Variants in MAF observed in about 807,000 individuals in gnomAD.
The protein encoded by MAF is transcription factor Maf.
A neutral mutation model predicts 22.0 loss-of-function variants in MAF; 10 were observed. The ratio of observed to expected loss-of-function variants is 0.45; its 90% CI spans 0.28 to 0.77. The LOEUF is 0.77. MAF is among the 30% of genes least tolerant of loss of function. MAF has a pLI of 0.12. For synonymous variants in MAF, 337 were observed against 255.8 expected, an observed-to-expected ratio of 1.32 and a Z score of -3.03; for missense variants, 544 against 548.4, an observed-to-expected ratio of 0.99 and a Z score of 0.08.
At chr16:79,418,161 T>G in the MAF span, among the ~76,000 whole-genome samples, 2 of 152,230 alleles carry the variant, frequency 1.3e-5, no homozygotes, top group African/African-American at 4.8e-5. Flanking sequence ...CCTCTCATTG[T>G]GTCTCGAGAA....
downstream of MAF, among the ~76,000 whole-genome samples, chr16:79,583,630 C>A (rs545579884): frequency 6.6e-6 from 1 of 152,236 alleles, no homozygotes; most frequent in Non-Finnish European, 1.5e-5. Flanking sequence ...TCTTTCAGCG[C>A]ATAACATGCA....
chr16:79,403,297 T>C, the MAF span, among the ~76,000 whole-genome samples: 1 of 152,160 alleles, frequency 6.6e-6, no homozygotes, highest in African/African-American at 2.4e-5. Context: ...CCTGGAGCGG[T>C]ATAGGGGCTC....
the MAF span, among the ~76,000 whole-genome samples, chr16:79,426,218 A>AAAG: frequency 6.6e-6 from 1 of 151,806 alleles, no homozygotes; most frequent in African/African-American, 2.4e-5. Context: ...AAGAAAAAAA[A>AAAG]AAAATTAACA....
chr16:79,359,681 T>C, the MAF span, among the ~76,000 whole-genome samples: 1 of 152,112 alleles, frequency 6.6e-6, no homozygotes, highest in Admixed American at 6.5e-5. Context: ...TTGACTTGAG[T>C]TCTTTTACTT....
the MAF span, among the ~76,000 whole-genome samples, chr16:79,524,137 C>T: frequency 2.0e-5 from 3 of 152,212 alleles, no homozygotes; most frequent in Admixed American, 2.0e-4. Context: ...ATCAGCATCC[C>T]TGGTTGCTTT....
the MAF span, among the ~76,000 whole-genome samples, chr16:79,225,135 A>C: frequency 6.6e-6 from 1 of 152,182 alleles, no homozygotes; most frequent in Non-Finnish European, 1.5e-5. Context: ...ACAATAACTA[A>C]AAAGCATGGT....
the MAF span, among the ~76,000 whole-genome samples, chr16:79,287,982 G>A: frequency 1.3e-5 from 2 of 152,168 alleles, no homozygotes; most frequent in Non-Finnish European, 2.9e-5. Context: ...TGCCATACCA[G>A]TGAGCTCCAG....
chr16:79,500,135 C>T, the MAF span, among the ~76,000 whole-genome samples: 83 of 152,308 alleles, frequency 5.4e-4, 2 homozygotes, highest in East Asian at 5.0e-3. Flanking sequence ...CAGTTTCAGA[C>T]GGTCTGGCCT....
chr16:79,531,742 C>T, the MAF span, among the ~76,000 whole-genome samples: 5 of 152,118 alleles, frequency 3.3e-5, no homozygotes, highest in Non-Finnish European at 5.9e-5. Flanking sequence ...GCTGTAAACA[C>T]AGACGAAGCT....
At chr16:79,499,061 G>C in the MAF span, among the ~76,000 whole-genome samples, 1 of 152,174 alleles carries the variant, frequency 6.6e-6, no homozygotes, top group Non-Finnish European at 1.5e-5. Context: ...GACATTTCAG[G>C]AGGATTATCA....
the MAF span, among the ~76,000 whole-genome samples, chr16:79,271,585 A>T: frequency 6.6e-6 from 1 of 151,918 alleles, no homozygotes; most frequent in Non-Finnish European, 1.5e-5. Flanking sequence ...AATATCCACA[A>T]CCCCTCAATT....
At chr16:79,515,720 T>C in the MAF span, among the ~76,000 whole-genome samples, 9 of 152,140 alleles carry the variant, frequency 5.9e-5, no homozygotes, top group Non-Finnish European at 8.8e-5. Context: ...CACTTGGGCA[T>C]GAACGTGAGA....
the MAF span, among the ~76,000 whole-genome samples, chr16:79,556,872 G>C: frequency 6.6e-6 from 1 of 152,022 alleles, no homozygotes; most frequent in Admixed American, 6.5e-5. Flanking sequence ...TATATGAAAA[G>C]CTTATAATAG....
At chr16:79,245,432 T>C in the MAF span, among the ~76,000 whole-genome samples, 1 of 152,020 alleles carries the variant, frequency 6.6e-6, no homozygotes, top group Non-Finnish European at 1.5e-5. Flanking sequence ...AGAAGACATT[T>C]ATGCAGCCAA....
chr16:79,357,715 G>A, the MAF span, among the ~76,000 whole-genome samples: 36 of 152,214 alleles, frequency 2.4e-4, no homozygotes, highest in African/African-American at 7.0e-4. Flanking sequence ...ACTAGATGCT[G>A]CCCAGGTGAC....
At chr16:79,307,174 G>A in the MAF span, among the ~76,000 whole-genome samples, 1 of 152,200 alleles carries the variant, frequency 6.6e-6, no homozygotes. Flanking sequence ...TTAACGGGAG[G>A]TTTGAGATGA....
the MAF span, among the ~76,000 whole-genome samples, chr16:79,235,880 G>A: frequency 2.3e-4 from 35 of 152,174 alleles, no homozygotes; most frequent in African/African-American, 8.2e-4. Context: ...AGAAGCAAGA[G>A]GAAGAGCAAG....
chr16:79,416,879 T>A, the MAF span, among the ~76,000 whole-genome samples: 1 of 152,194 alleles, frequency 6.6e-6, no homozygotes, highest in Non-Finnish European at 1.5e-5. Context: ...TTTAGGAAGA[T>A]GGTAGACAGC....
the MAF span, among the ~76,000 whole-genome samples, chr16:79,516,448 T>G: frequency 6.6e-6 from 1 of 152,136 alleles, no homozygotes; most frequent in Non-Finnish European, 1.5e-5. Context: ...AAGGCAAAGG[T>G]GAGTATTATT....
Sources: gnomAD v4.1 joint callset for allele counts (sites outside exome capture counted in the v4.1 genomes callset) on GRCh38, gnomAD v4.1.1 for gene constraint, MANE v1.5 for transcripts, NCBI Gene and HGNC (gene_info 2026-07-23, HGNC 2026-07-21) for gene names.